The following MEIS3 variants were observed in gnomAD, a reference collection of about 807,000 sequenced individuals.
The protein encoded by MEIS3 is homeobox protein Meis3.
MEIS3 carries 38 observed loss-of-function variants against 51.4 expected under a neutral mutation model. The ratio of observed to expected loss-of-function variants is 0.74; its 90% CI spans 0.57 to 0.97. The LOEUF (loss-of-function observed/expected upper bound fraction) is 0.97. MEIS3 is among the 50% of genes least tolerant of loss of function. The pLI is 0.00. For missense variants in MEIS3, 456 were observed against 502.6 expected (o/e 0.91, Z 0.89); for synonymous variants, 198 against 201.8 (o/e 0.98, Z 0.16).
Position 47,411,060 on chromosome 19 carries a change from C to T in MEIS3, c.598-1513G>A, listed in dbSNP as rs111849949. On this transcript the variant is annotated intron_variant, in intron 6 of 12. Coordinates refer to ENST00000558555, the MANE Select transcript of MEIS3 (RefSeq NM_001301059.2). ...CACGTGATTCTCATGCCTCAGTCTC[C>T]CGAGTAGCTGGGATTACAGGTGCCT... Among the ~76,000 whole-genome samples, 804 of 152,140 alleles carry T rather than the reference C, an allele frequency of 5.3e-3. 9 individuals are homozygous for T. The highest frequency in any genetic ancestry group is 0.018 in the African/African-American group (758 of 41,494).
rs545622808 is a variant in MEIS3, at chr19:47,415,765, G to A, written c.397-664C>T. The stretch of plus-strand genomic sequence containing the variant: ...ATTTTTGTATTTTTAGTAGAGACAG[G>A]GTTTCATCATTTGGTCAGGCTGGTC... On this transcript the variant is annotated intron_variant, in intron 4 of 12. Coordinates refer to ENST00000558555, the MANE Select transcript of MEIS3 (RefSeq NM_001301059.2). 3.3e-5 allele frequency: 5 copies of A among 152,320 alleles called. No homozygotes were observed. In the East Asian group the frequency reaches 9.6e-4, roughly 29 times the overall value. The allele number at this position is 152,320 out of a possible 1,614,324, so 9.4% of individuals were successfully genotyped here.
chr19:47,407,219 G>A (rs1054998298), intron 9 of MEIS3, 82 bp from the exon 10 acceptor site: 2 of 1,511,260 alleles, frequency 1.3e-6, no homozygotes, highest in African/African-American at 2.8e-5. Flanking sequence ...CGGGCCGGAG[G>A]ACAGCGGCGG....
At chr19:47,409,007 C>T (rs1970983760) in intron 8 of MEIS3, 92 bp downstream of exon 8, 1 of 1,454,736 alleles carries the variant, frequency 6.9e-7, no homozygotes, top group African/African-American at 1.4e-5. Flanking sequence ...GTCTTTCTCC[C>T]ACTTCTGGGT....
rs145447715 is a variant in MEIS3 at position 47,416,806 on chromosome 19, G to T, written c.343C>A (p.Gln115Lys). The T allele has an allele frequency of 1.9e-6, 3 of 1,613,564 alleles. No homozygotes were observed. Among genetic ancestry groups the T allele is most frequent in the Non-Finnish European group, 1.7e-6 (2 of 1,179,802 alleles). Reference sequence around the variant, plus strand: ...TGTGGTGGGTGGGAGGTGCCCACCTGCTTGGCAAAGGCAGCGATGTCCTCG... The same window carrying T: ...TGTGGTGGGTGGGAGGTGCCCACCTTCTTGGCAAAGGCAGCGATGTCCTCG... Reference protein sequence around the residue: ...FNEDIAAFAKQVRSERPLFSS... With the variant: ...FNEDIAAFAKKVRSERPLFSS... Residue 115 changes from glutamine (Q) to lysine (K), a missense_variant and splice_region_variant, in exon 3 of 13, where the codon CAG becomes AAG. Transcript: ENST00000558555.
At chr19:47,406,755 T>C (rs1970838923) in intron 11 of MEIS3, 133 bp downstream of exon 11, 1 of 921,096 alleles carries the variant, frequency 1.1e-6, no homozygotes, top group Non-Finnish European at 1.6e-6. Flanking sequence ...AAATCTGCCT[T>C]GGCATCACCT....
chr19:47,416,569 C>G, intron 4 of MEIS3, 83 bp downstream of exon 4: 3 of 1,087,222 alleles, frequency 2.8e-6, no homozygotes, highest in Non-Finnish European at 3.9e-6. Context: ...TCTCTCTGCA[C>G]CCCCCCCACC....
chr19:47,404,901 TC>T (rs1970746025), intron 12 of MEIS3, among the ~76,000 whole-genome samples: 1 of 152,194 alleles, frequency 6.6e-6, no homozygotes, highest in East Asian at 1.9e-4. Flanking sequence ...CACTGTTGTG[TC>T]CCCAACATTA....
chr19:47,405,903 TATGG>T, intron 12 of MEIS3: 1 of 152,768 alleles, frequency 6.5e-6, no homozygotes, highest in Non-Finnish European at 1.5e-5. Flanking sequence ...TGTATGTAGG[TATGG>T]ATGGATGGAT....
At chr19:47,420,548 G>C (rs1430055017), upstream of MEIS3, among the ~76,000 whole-genome samples, 1 of 145,862 alleles carries the variant, frequency 6.9e-6, no homozygotes, top group Non-Finnish European at 1.5e-5. Flanking sequence ...AGAGACAGAC[G>C]CGGGTGGGAG....
chr19:47,409,090 G>C lies in MEIS3; in HGVS notation c.858+9C>G. The C allele has an allele frequency of 6.2e-7, 1 of 1,608,120 alleles. No homozygotes were observed. Among genetic ancestry groups the C allele is most frequent in the Non-Finnish European group, 8.5e-7 (1 of 1,179,818 alleles). ...TTCCCACCCTGCACCTGGGCAGCAG[G>C]GCTCTCACCGAGAGGTGCTGGAACA... On this transcript the variant is annotated intron_variant, in intron 8 of 12. Coordinates refer to ENST00000558555, the MANE Select transcript of MEIS3 (RefSeq NM_001301059.2).
Position 47,409,074 on chromosome 19 carries a change from T to C in MEIS3, c.858+25A>G, listed in dbSNP as rs771601687. The C allele has an allele frequency of 2.2e-5, 36 of 1,606,190 alleles. No individual in the cohort carries two copies. In the South Asian group the frequency reaches 3.6e-4, roughly 16 times the overall value. ...CTTCTCCCTCTCTCCATTCCCACCC[T>C]GCACCTGGGCAGCAGGGCTCTCACC... On this transcript the variant is annotated intron_variant, in intron 8 of 12. Transcript: ENST00000558555.
At chr19:47,420,906 T>TCA (rs1243936482), upstream of MEIS3, among the ~76,000 whole-genome samples, 81 of 91,680 alleles carry the variant, frequency 8.8e-4, no homozygotes, top group African/African-American at 2.2e-3. Context: ...TCTCTCTCTC[T>TCA]CTCTCACACA....
Position 47,417,159 on chromosome 19 carries a change from G to A in MEIS3, c.185+19C>T. 6.5e-7 allele frequency: 1 copy of A among 1,534,892 alleles called. No homozygotes were observed. The highest frequency in any genetic ancestry group is 8.7e-7 in the Non-Finnish European group (1 of 1,146,292). ...GACAGAGAGAGAGAGACAGGAGCCT[G>A]AGACCCGGCCCCACTCACCCATAGA... is the stretch of plus-strand genomic sequence containing the variant. On this transcript the variant is annotated intron_variant, in intron 2 of 12. Transcript: ENST00000558555.
chr19:47,420,780 G>A (rs1194917718), upstream of MEIS3, among the ~76,000 whole-genome samples: 1 of 151,370 alleles, frequency 6.6e-6, no homozygotes, highest in Non-Finnish European at 1.5e-5. Context: ...GGAGGATGGA[G>A]GATGCCGGCG....
At chr19:47,415,604 T>C (rs1489699723) in intron 4 of MEIS3, among the ~76,000 whole-genome samples, 2 of 149,338 alleles carry the variant, frequency 1.3e-5, no homozygotes, top group Non-Finnish European at 3.0e-5. Flanking sequence ...TATGGAGTCT[T>C]GCTCTGTTGC....
intron 1 of MEIS3, chr19:47,417,735 A>C (rs1307093129): frequency 1.5e-6 from 1 of 688,120 alleles, no homozygotes; most frequent in Non-Finnish European, 2.6e-6. Flanking sequence ...ATTGTTGTAC[A>C]CAAAGTACAC....
chr19:47,422,100 C>G (rs546160482), upstream of MEIS3, among the ~76,000 whole-genome samples: 8 of 152,126 alleles, frequency 5.3e-5, no homozygotes, highest in Admixed American at 5.2e-4. Flanking sequence ...CATCCATCAC[C>G]CGAGCCCAGA....
rs941466300 is a variant in MEIS3, at chr19:47,419,447, G to A, written c.-366C>T. ...ACGGACACACCGGGGACCGCAGGGG[G>A]CGGGGGGCGGCCCGGGGCGACGGAG... On this transcript the variant is annotated 5_prime_UTR_variant, in exon 1 of 13. Coordinates refer to ENST00000558555, the MANE Select transcript of MEIS3 (RefSeq NM_001301059.2). 44 of 151,748 alleles carry A rather than the reference G, an allele frequency of 2.9e-4. No homozygotes were observed. The highest frequency in any genetic ancestry group is 1.1e-3 in the African/African-American group (44 of 41,358). The allele number at this position is 151,748 out of a possible 1,614,324, so 9.4% of individuals were successfully genotyped here.
chr19:47,413,426 G>A (rs1971237289), intron 6 of MEIS3, among the ~76,000 whole-genome samples: 1 of 151,992 alleles, frequency 6.6e-6, no homozygotes, highest in Non-Finnish European at 1.5e-5. Flanking sequence ...CTCCGGGACT[G>A]TGTCTGGGTG....
Sources: gnomAD v4.1 joint callset for allele counts (sites outside exome capture counted in the v4.1 genomes callset) on GRCh38, gnomAD v4.1.1 for gene constraint, MANE v1.5 for transcripts, NCBI Gene and HGNC (gene_info 2026-07-23, HGNC 2026-07-21) for gene names.